The following CLIP2 variants were observed in gnomAD, a reference collection of about 807,000 sequenced individuals.
CLIP2 encodes the protein CAP-Gly domain-containing linker protein 2.
In CLIP2, 41 loss-of-function variants were observed where a neutral mutation model predicts 111.7. The observed-to-expected ratio is 0.37, with a 90% CI of 0.29 to 0.48. The LOEUF (loss-of-function observed/expected upper bound fraction) is 0.48. CLIP2 is among the 20% of genes least tolerant of loss of function. CLIP2 has a pLI of 0.99. For missense variants in CLIP2, 1,160 were observed against 1,422.1 expected, an observed-to-expected ratio of 0.82 and a Z score of 2.96; for synonymous variants, 660 against 644.2, an observed-to-expected ratio of 1.02 and a Z score of -0.37.
chr7:74,303,687 G>A (rs1279321994), intron 1 of CLIP2, among the ~76,000 whole-genome samples: 2 of 150,998 alleles, frequency 1.3e-5, no homozygotes, highest in Admixed American at 6.6e-5. Flanking sequence ...GAAGGCAGGC[G>A]GATCACCTGA....
At chr7:74,354,444 T>C (rs1238294961) in intron 4 of CLIP2, among the ~76,000 whole-genome samples, 1 of 151,918 alleles carries the variant, frequency 6.6e-6, no homozygotes, top group East Asian at 1.9e-4. Context: ...TGAAACCCCG[T>C]CTCTACTAAA....
At chr7:74,400,660 G>A in intron 15 of CLIP2, 105 bp downstream of exon 15, 3 of 1,165,396 alleles carry the variant, frequency 2.6e-6, no homozygotes, top group Non-Finnish European at 3.5e-6. Flanking sequence ...ACCCCAGTCT[G>A]AGGAGGTAGG....
intron 1 of CLIP2, among the ~76,000 whole-genome samples, chr7:74,310,670 C>T (rs1554728377): frequency 6.6e-6 from 1 of 151,258 alleles, no homozygotes; most frequent in Non-Finnish European, 1.5e-5. Context: ...CATATTTTTG[C>T]TTCTCTTGGG....
chr7:74,296,743 C>T (rs572221114), intron 1 of CLIP2, among the ~76,000 whole-genome samples: 98 of 148,826 alleles, frequency 6.6e-4, no homozygotes, highest in Middle Eastern at 3.4e-3. Context: ...AAGCTGAGAT[C>T]GCGTCACTGC....
intron 1 of CLIP2, among the ~76,000 whole-genome samples, chr7:74,312,793 C>T (rs1021950962): frequency 6.6e-6 from 1 of 152,108 alleles, no homozygotes; most frequent in African/African-American, 2.4e-5. Context: ...CCCGGCATGT[C>T]GGCTCCACTG....
chr7:74,343,993 C>T (rs1490603304), intron 3 of CLIP2, among the ~76,000 whole-genome samples: 4 of 152,260 alleles, frequency 2.6e-5, no homozygotes, highest in East Asian at 3.9e-4. Context: ...TGACTAATGT[C>T]GTGGGAGTGC....
chr7:74,364,279 C>T lies in CLIP2; in HGVS notation c.1344C>T (p.Arg448=), dbSNP rs781863546. 15 of 1,613,592 alleles carry T rather than the reference C, an allele frequency of 9.3e-6. No individual in the cohort carries two copies. In the East Asian group the frequency reaches 2.2e-4, roughly 24 times the overall value. ...ERRKVEDLQF[R]VEEESITKGD... is the part of the protein sequence containing the mutation. ...GGAAGGTGGAGGATCTGCAGTTCCG[C>T]GTGGAGGAGGAGTCCATCACCAAGG... The change falls in exon 8 of 17, where the codon CGC becomes CGT. Residue 448 remains arginine, a synonymous_variant. Coordinates refer to ENST00000223398, the MANE Select transcript of CLIP2 (RefSeq NM_003388.5).
chr7:74,297,567 A>T (rs1233474850), intron 1 of CLIP2, among the ~76,000 whole-genome samples: 4 of 152,002 alleles, frequency 2.6e-5, no homozygotes, highest in African/African-American at 9.7e-5. Context: ...GAACCCCTCC[A>T]GTGATGGGGG....
chr7:74,311,710 G>T (rs1362665258), intron 1 of CLIP2, among the ~76,000 whole-genome samples: 1 of 152,088 alleles, frequency 6.6e-6, no homozygotes, highest in East Asian at 1.9e-4. Flanking sequence ...AGGAGTTTGA[G>T]ACCAGCCTGG....
In CLIP2 at chr7:74,375,877, C is replaced by A; in HGVS notation, c.1486-10C>A. 6.6e-7 allele frequency: 1 copy of A among 1,504,434 alleles called. No individual in the cohort carries two copies. The highest frequency in any genetic ancestry group is 1.3e-5 in the South Asian group (1 of 77,092). 93.2% of individuals were successfully genotyped at this position (1,504,434 alleles called of 1,614,324 possible). A position where few individuals can be genotyped will look rare whatever the true frequency, so the allele number is the denominator to read the frequency against. The stretch of plus-strand genomic sequence containing the variant: ...AGCCCGCTGATCCCTGTCTCCCTCT[C>A]TCCCCACAGCTGACCACAGTGGCCG... On this transcript the variant is annotated splice_polypyrimidine_tract_variant and intron_variant, in intron 9 of 16. Coordinates refer to ENST00000223398, the MANE Select transcript of CLIP2 (RefSeq NM_003388.5).
At chr7:74,330,249 T>TTTTC (rs1262927835) in intron 2 of CLIP2, among the ~76,000 whole-genome samples, 2 of 24,436 alleles carry the variant, frequency 8.2e-5, no homozygotes, top group African/African-American at 1.4e-4. Flanking sequence ...GTTTCTTTTC[T>TTTTC]TTTTTTTTTT....
chr7:74,320,598 C>A (rs1788922273), intron 2 of CLIP2, among the ~76,000 whole-genome samples: 1 of 151,992 alleles, frequency 6.6e-6, no homozygotes, highest in Admixed American at 6.6e-5. Context: ...TGTTCACATC[C>A]CTTGGGCCAC....
chr7:74,319,831 AG>A (rs1554729769), intron 2 of CLIP2, among the ~76,000 whole-genome samples: 2 of 150,534 alleles, frequency 1.3e-5, no homozygotes, highest in African/African-American at 4.9e-5. Flanking sequence ...AAAAAGAGAG[AG>A]AGAAAGAAGA....
intron 1 of CLIP2, among the ~76,000 whole-genome samples, chr7:74,302,987 G>A (rs1788379798): frequency 6.6e-6 from 1 of 152,160 alleles, no homozygotes; most frequent in Non-Finnish European, 1.5e-5. Flanking sequence ...CACAGCTGGG[G>A]CTGCAGCTCC....
intron 1 of CLIP2, among the ~76,000 whole-genome samples, chr7:74,290,084 C>A (rs1325951791): frequency 2.0e-5 from 3 of 152,220 alleles, no homozygotes; most frequent in African/African-American, 7.2e-5. Context: ...TCGCCCGTAC[C>A]CCCTTCCAAG....
intron 1 of CLIP2, among the ~76,000 whole-genome samples, chr7:74,315,525 A>T (rs1554729023): frequency 6.6e-6 from 1 of 151,968 alleles, no homozygotes; most frequent in Admixed American, 6.6e-5. Context: ...GATTACAGAC[A>T]TGAGCTACCA....
chr7:74,311,622 A>G lies in CLIP2; in HGVS notation c.-67-5858A>G, dbSNP rs147167558. Among the ~76,000 whole-genome samples the G allele has an allele frequency of 1.6e-3, 249 of 152,292 alleles. 1 individual carries two copies. The highest frequency in any genetic ancestry group is 2.9e-3 in the African/African-American group (120 of 41,570). On this transcript the variant is annotated intron_variant, in intron 1 of 16. Coordinates refer to ENST00000223398, the MANE Select transcript of CLIP2 (RefSeq NM_003388.5). ...GAGTTCATTATGTTTCCTGAATACC[A>G]GCCCTGGCTGGGCGTGGTGGCTCAC...
chr7:74,297,779 G>A (rs543166855), intron 1 of CLIP2, among the ~76,000 whole-genome samples: 4 of 151,958 alleles, frequency 2.6e-5, no homozygotes, highest in Admixed American at 6.6e-5. Context: ...AATCCAACTC[G>A]ATGGGAGGAG....
At chr7:74,386,408 C>T (rs1554314784) in intron 11 of CLIP2, 113 bp from the exon 12 acceptor site, 11 of 780,028 alleles carry the variant, frequency 1.4e-5, no homozygotes, top group Non-Finnish European at 2.1e-6. Context: ...AACTTGGACC[C>T]TGGAGGCCAA....
Sources: allele counts gnomAD v4.1 joint callset (sites outside exome capture counted in the v4.1 genomes callset), GRCh38; gene constraint gnomAD v4.1.1; transcripts MANE v1.5; gene names NCBI Gene and HGNC (gene_info 2026-07-23, HGNC 2026-07-21).